The following TAX1BP1 variants were observed in gnomAD, a reference collection of about 807,000 sequenced individuals.
The protein encoded by TAX1BP1 is tax1-binding protein 1.
Under a neutral mutation model 97.7 loss-of-function variants are expected in TAX1BP1, and 62 were observed. The ratio of observed to expected loss-of-function variants is 0.63; its 90% confidence interval spans 0.52 to 0.78. The LOEUF (loss-of-function observed/expected upper bound fraction) is 0.78, where lower values mean the gene tolerates loss of function less well. TAX1BP1 is among the 30% of genes least tolerant of loss of function. The probability of loss-of-function intolerance (pLI) is 0.00; values close to 1 mark genes in which losing one functional copy is unlikely to be tolerated. For missense variants in TAX1BP1, 867 were observed against 916.1 expected, an observed-to-expected ratio of 0.95 and a Z score of 0.69; for synonymous variants, 340 against 304.2, an observed-to-expected ratio of 1.12 and a Z score of -1.23.
intron 13 of TAX1BP1, among the ~76,000 whole-genome samples, chr7:27,801,726 A>AT (rs1244434345): frequency 2.6e-5 from 4 of 152,206 alleles, no homozygotes; most frequent in Non-Finnish European, 4.4e-5. Context: ...TATTTCATTA[A>AT]TGTTAAAAGT....
intron 11 of TAX1BP1, among the ~76,000 whole-genome samples, chr7:27,795,331 G>T (rs1789878723): frequency 6.6e-6 from 1 of 151,858 alleles, no homozygotes. Context: ...TTCTTGGTGG[G>T]GTATGGTGGC....
At position 27,806,235 on chromosome 7, in the gene TAX1BP1, G is replaced by A. The variant is rs143759760; in HGVS notation, c.1764+6145G>A. 2.3e-3 allele frequency among the ~76,000 whole-genome samples: 350 copies of A among 152,060 alleles called. 1 individual carries two copies. The highest frequency in any genetic ancestry group is 7.5e-3 in the African/African-American group (312 of 41,488). On this transcript the variant is annotated intron_variant, in intron 13 of 16. Transcript: ENST00000396319. ...TGAGTAGCTGGGATTACAGGCTCCC[G>A]CCACCAAGCCTGGCTAATTTGTATA...
chr7:27,757,556 A>G (rs1476603401), intron 2 of TAX1BP1, among the ~76,000 whole-genome samples: 1 of 152,084 alleles, frequency 6.6e-6, no homozygotes, highest in Admixed American at 6.6e-5. Flanking sequence ...TCAGAGGTGA[A>G]TTTGTAATGC....
At chr7:27,816,659 T>C in intron 14 of TAX1BP1, 139 bp downstream of exon 14, 1 of 892,430 alleles carries the variant, frequency 1.1e-6, no homozygotes, top group Non-Finnish European at 1.6e-6. Context: ...GCAGTTTTAA[T>C]ATTTAACACT....
chr7:27,765,888 A>G lies in TAX1BP1; in HGVS notation c.320A>G (p.His107Arg), dbSNP rs774922840. ...TTTTATCAGTTCTGTTACGTTACCC[A>G]TAAGGGTGAAATTCGTGGAGCAAGT... Reference protein sequence around the residue: ...GEFYQFCYVTHKGEIRGASTP... With the variant: ...GEFYQFCYVTRKGEIRGASTP... The change falls in exon 4 of 17, where the codon CAT becomes CGT. Residue 107 changes from histidine to arginine, a missense_variant. Transcript: ENST00000396319. 4.6e-5 allele frequency: 74 copies of G among 1,614,056 alleles called. No individual in the cohort carries two copies. The highest frequency in any genetic ancestry group is 1.1e-4 in the South Asian group (10 of 91,088).
intron 1 of TAX1BP1, chr7:27,740,490 G>A (rs1254845339): frequency 2.0e-5 from 3 of 152,530 alleles, no homozygotes; most frequent in African/African-American, 2.4e-5. Context: ...CAGCTGTGGA[G>A]TTTTGGAATG....
intron 9 of TAX1BP1, 77 bp downstream of exon 9, chr7:27,792,307 A>C (rs1789749472): frequency 7.9e-7 from 1 of 1,273,060 alleles, no homozygotes; most frequent in African/African-American, 1.5e-5. Flanking sequence ...AATTGTGTTA[A>C]GATAAGACAG....
In TAX1BP1 at chr7:27,829,178, G is replaced by A. The variant is rs1782602511; in HGVS notation, c.*349G>A. On this transcript the variant is annotated 3_prime_UTR_variant, in exon 17 of 17. Transcript: ENST00000396319. ...ATGTATTAGTGTGCTAGATTATTTA[G>A]CAGAATATTCACAAGTTTCTGTTGA... The A allele has an allele frequency of 5.8e-6, 1 of 173,764 alleles. No homozygotes were observed. The highest frequency in any genetic ancestry group is 1.2e-5 in the Non-Finnish European group (1 of 82,914). The allele number at this position is 173,764 out of a possible 1,614,324, so 10.8% of individuals were successfully genotyped here.
At chr7:27,754,359 G>T (rs1390388510) in intron 2 of TAX1BP1, among the ~76,000 whole-genome samples, 2 of 146,902 alleles carry the variant, frequency 1.4e-5, no homozygotes, top group Non-Finnish European at 3.0e-5. Flanking sequence ...AAGTCCTCTG[G>T]TTGTAAAAAA....
At chr7:27,806,536 T>TA (rs1205052268) in intron 13 of TAX1BP1, among the ~76,000 whole-genome samples, 1 of 152,262 alleles carries the variant, frequency 6.6e-6, no homozygotes, top group Admixed American at 6.5e-5. Flanking sequence ...TGATTTGAGA[T>TA]ACTACATTTA....
At chr7:27,759,011 T>C (rs1788329577) in intron 3 of TAX1BP1, among the ~76,000 whole-genome samples, 1 of 152,058 alleles carries the variant, frequency 6.6e-6, no homozygotes, top group African/African-American at 2.4e-5. Flanking sequence ...ATAACACTTA[T>C]TCAGAGATCT....
rs191854837 is a variant in TAX1BP1, at chr7:27,794,976, T to C, written c.1534+530T>C. Among the ~76,000 whole-genome samples, 10 of 152,294 alleles carry C rather than the reference T, an allele frequency of 6.6e-5. No homozygotes were observed. The East Asian group carries it at 1.7e-3, about 26-fold the overall frequency. On this transcript the variant is annotated intron_variant, in intron 11 of 16. Transcript: ENST00000396319. ...AAGTTTTTATTAGTTTATTAACTTATAGAACAGAATAGAGAGACATAGTGA... is the reference window on the plus strand; with the variant it reads ...AAGTTTTTATTAGTTTATTAACTTACAGAACAGAATAGAGAGACATAGTGA...
intron 13 of TAX1BP1, among the ~76,000 whole-genome samples, chr7:27,810,187 G>C (rs902344555): frequency 6.6e-6 from 1 of 151,460 alleles, no homozygotes; most frequent in Admixed American, 6.6e-5. Flanking sequence ...GATTACAGGC[G>C]TGAGCCACCA....
chr7:27,745,489 TTAG>T (rs1787783773), intron 1 of TAX1BP1, among the ~76,000 whole-genome samples: 1 of 152,228 alleles, frequency 6.6e-6, no homozygotes, highest in Admixed American at 6.5e-5. Context: ...TTTTAAATGA[TTAG>T]TAGCTATATT....
intron 12 of TAX1BP1, among the ~76,000 whole-genome samples, chr7:27,798,418 C>T (rs1790014801): frequency 6.6e-6 from 1 of 151,844 alleles, no homozygotes. Flanking sequence ...AATCCCAGCA[C>T]TTTGGGAGGC....
At chr7:27,771,927 G>A (rs1788861871) in intron 5 of TAX1BP1, 1 of 151,890 alleles carries the variant, frequency 6.6e-6, no homozygotes, top group Non-Finnish European at 1.5e-5. Context: ...TTCATAATAG[G>A]AACCAGAGAA....
chr7:27,783,666 T>G (rs1220915139), intron 5 of TAX1BP1, among the ~76,000 whole-genome samples: 2 of 152,248 alleles, frequency 1.3e-5, no homozygotes, highest in Non-Finnish European at 2.9e-5. Flanking sequence ...AGGGCTTCAT[T>G]ACTTACAGGA....
intron 3 of TAX1BP1, among the ~76,000 whole-genome samples, chr7:27,763,120 G>A (rs1009759583): frequency 2.6e-5 from 4 of 152,122 alleles, no homozygotes; most frequent in African/African-American, 7.2e-5. Context: ...TTGAATATTA[G>A]AGTTATAGAA....
intron 14 of TAX1BP1, 31 bp downstream of exon 14, chr7:27,816,551 C>A: frequency 6.7e-7 from 1 of 1,497,746 alleles, no homozygotes. Context: ...TTGGGATTAG[C>A]TGCATCTGGA....
Sources: gnomAD v4.1 joint callset for allele counts (sites outside exome capture counted in the v4.1 genomes callset) on GRCh38, gnomAD v4.1.1 for gene constraint, MANE v1.5 for transcripts, NCBI Gene and HGNC (gene_info 2026-07-23, HGNC 2026-07-21) for gene names.